The following FNIP1 variants were observed in gnomAD, a reference collection of about 807,000 sequenced individuals.
FNIP1 encodes folliculin interacting protein 1, also known as folliculin-interacting protein 1.
Under a neutral mutation model 124.5 loss-of-function variants are expected in FNIP1, and 40 were observed. The observed-to-expected ratio is 0.32, with a 90% CI of 0.25 to 0.42. FNIP1 has a LOEUF of 0.42. Among genes scored for constraint, FNIP1 ranks in the 10% least tolerant of loss-of-function variants. FNIP1 has a pLI of 1.00. For missense variants in FNIP1, 1,176 were observed against 1,403.7 expected, an observed-to-expected ratio of 0.84 and a Z score of 2.59; for synonymous variants, 472 against 470.6, an observed-to-expected ratio of 1.00 and a Z score of -0.04.
intron 1 of FNIP1, among the ~76,000 whole-genome samples, chr5:131,770,740 A>T (rs1245587275): frequency 6.6e-6 from 1 of 152,174 alleles, no homozygotes; most frequent in Non-Finnish European, 1.5e-5. Flanking sequence ...TGGTATAGGG[A>T]TAATGTTTCT....
intron 1 of FNIP1, among the ~76,000 whole-genome samples, chr5:131,764,142 T>C (rs1409079375): frequency 1.3e-5 from 2 of 152,094 alleles, no homozygotes; most frequent in Non-Finnish European, 2.9e-5. Context: ...ATTCATCTTC[T>C]GCCATGACTG....
chr5:131,744,282 G>C (rs1770602429), intron 2 of FNIP1, among the ~76,000 whole-genome samples: 1 of 151,884 alleles, frequency 6.6e-6, no homozygotes, highest in African/African-American at 2.4e-5. Context: ...CTGAGCTGTT[G>C]TCAGCAGTCT....
At chr5:131,759,031 T>A (rs2149570780) in intron 1 of FNIP1, among the ~76,000 whole-genome samples, 1 of 152,182 alleles carries the variant, frequency 6.6e-6, no homozygotes, top group East Asian at 1.9e-4. Flanking sequence ...CCCTATTAAA[T>A]AAAAGGTGCT....
rs1467900582 is a variant in FNIP1, at chr5:131,642,118, T to A, written c.*2567A>T. 1.3e-5 allele frequency: 2 copies of A among 152,728 alleles called. No homozygotes were observed. The allele number at this position is 152,728 out of a possible 1,614,324, so 9.5% of individuals were successfully genotyped here. A position where few individuals can be genotyped will look rare whatever the true frequency, so the allele number is the denominator to read the frequency against. ...ATCCCTTTTTTATTTCCTGTTTCAA[T>A]AAACAGGTTTTTTTTGATATGTAAC... is the stretch of plus-strand genomic sequence containing the variant. On this transcript the variant is annotated 3_prime_UTR_variant, in exon 18 of 18. Coordinates refer to ENST00000510461, the MANE Select transcript of FNIP1 (RefSeq NM_133372.3).
chr5:131,711,133 G>A (rs1049800246), intron 6 of FNIP1, among the ~76,000 whole-genome samples: 2 of 152,216 alleles, frequency 1.3e-5, no homozygotes, highest in African/African-American at 4.8e-5. Context: ...ACAACAGGGT[G>A]CAAAACCAGA....
At chr5:131,676,213 C>T (rs1010364842) in intron 13 of FNIP1, among the ~76,000 whole-genome samples, 3 of 152,012 alleles carry the variant, frequency 2.0e-5, no homozygotes, top group African/African-American at 7.3e-5. Flanking sequence ...GCGATTTCAC[C>T]GTGTTAAGCC....
intron 1 of FNIP1, among the ~76,000 whole-genome samples, chr5:131,765,138 C>CT (rs1771376179): frequency 6.6e-6 from 1 of 152,100 alleles, no homozygotes; most frequent in African/African-American, 2.4e-5. Context: ...AAGATGATCA[C>CT]TTGAGCCCAG....
intron 14 of FNIP1, 61 bp downstream of exon 14, chr5:131,671,444 T>TA (rs1561646149): frequency 1.5e-6 from 2 of 1,326,872 alleles, no homozygotes; most frequent in Non-Finnish European, 2.1e-6. Flanking sequence ...AGAGAACAGC[T>TA]AAAAAAGAGA....
At chr5:131,732,880 C>A (rs903555585) in intron 2 of FNIP1, among the ~76,000 whole-genome samples, 2 of 152,146 alleles carry the variant, frequency 1.3e-5, no homozygotes, top group Non-Finnish European at 2.9e-5. Context: ...TCATTGATAG[C>A]TTGATGGGGA....
intron 3 of FNIP1, among the ~76,000 whole-genome samples, chr5:131,723,409 A>G (rs1769742370): frequency 6.6e-6 from 1 of 152,208 alleles, no homozygotes; most frequent in African/African-American, 2.4e-5. Context: ...TACAGTAAAA[A>G]TATTAATAAA....
rs1186680580 is a variant in FNIP1 at position 131,671,962 on chromosome 5, C to A, written c.2482G>T (p.Asp828Tyr). The change falls in exon 14 of 18, where the codon GAC becomes TAC. Residue 828 changes from aspartate to tyrosine, a missense_variant. This residue lies in a region of FNIP1 where 1,109 missense variants were observed against 1,288.5 expected (regional missense o/e 0.86). Coordinates refer to ENST00000510461, the MANE Select transcript of FNIP1 (RefSeq NM_133372.3). ...TCGAATAAGCTCATGCTTTCTGGGTCTGAATGATTCCAACAGGGAAGTTCA... is the reference window on the plus strand; with the variant it reads ...TCGAATAAGCTCATGCTTTCTGGGTATGAATGATTCCAACAGGGAAGTTCA... Reference protein sequence around the residue: ...PCELPCWNHSDPESMSLFDEY... With the variant: ...PCELPCWNHSYPESMSLFDEY... The A allele has an allele frequency of 6.2e-7, 1 of 1,614,082 alleles. No homozygotes were observed. The highest frequency in any genetic ancestry group is 8.5e-7 in the Non-Finnish European group (1 of 1,180,038).
intron 7 of FNIP1, among the ~76,000 whole-genome samples, chr5:131,709,497 TA>T (rs2149535993): frequency 6.6e-6 from 1 of 152,184 alleles, no homozygotes; most frequent in Non-Finnish European, 1.5e-5. Context: ...ACATAATATC[TA>T]AAGAAGCAAG....
intron 17 of FNIP1, among the ~76,000 whole-genome samples, chr5:131,645,135 GATA>G (rs1466949118): frequency 6.6e-6 from 1 of 151,968 alleles, no homozygotes; most frequent in Admixed American, 6.6e-5. Flanking sequence ...ACCTAAGCAA[GATA>G]ATGAGACCCT....
At chr5:131,724,810 C>T (rs549661680) in intron 3 of FNIP1, among the ~76,000 whole-genome samples, 3 of 152,220 alleles carry the variant, frequency 2.0e-5, no homozygotes, top group Admixed American at 1.3e-4. Flanking sequence ...CATAGGTTTT[C>T]TTCTAGGGTT....
intron 1 of FNIP1, among the ~76,000 whole-genome samples, chr5:131,747,807 T>A (rs1035915896): frequency 1.3e-5 from 2 of 152,122 alleles, no homozygotes; most frequent in South Asian, 2.1e-4. Context: ...GTGACAGATA[T>A]TCTGCTATTT....
At chr5:131,694,396 A>C (rs141794658) in intron 11 of FNIP1, among the ~76,000 whole-genome samples, 162 of 152,342 alleles carry the variant, frequency 1.1e-3, no homozygotes, top group African/African-American at 3.8e-3. Context: ...GATGATGAAA[A>C]GAAATGAGCT....
At chr5:131,796,574 C>G (rs1772604605) in intron 1 of FNIP1, 2 of 531,636 alleles carry the variant, frequency 3.8e-6, no homozygotes, top group South Asian at 4.9e-5. Context: ...TCGCGCGTGG[C>G]TGGGGGCAGG....
intron 15 of FNIP1, among the ~76,000 whole-genome samples, chr5:131,665,354 A>T (rs1443927509): frequency 6.6e-6 from 1 of 151,994 alleles, no homozygotes; most frequent in Admixed American, 6.6e-5. Flanking sequence ...ACATTTCAAC[A>T]TTTTGTATAA....
chr5:131,650,347 G>C (rs1481009027), intron 16 of FNIP1, among the ~76,000 whole-genome samples: 1 of 151,956 alleles, frequency 6.6e-6, no homozygotes. Flanking sequence ...CCCTAAATTT[G>C]TTCCTAAGTA....
Sources: gnomAD v4.1 joint callset for allele counts (sites outside exome capture counted in the v4.1 genomes callset) on GRCh38, gnomAD v4.1.1 for gene constraint, gnomAD v4.1.1 regional missense constraint, MANE v1.5 for transcripts, NCBI Gene and HGNC (gene_info 2026-07-23, HGNC 2026-07-21) for gene names.